RNF19A: variants seen among roughly 807,000 people sequenced by gnomAD.
RNF19A encodes E3 ubiquitin-protein ligase RNF19A.
Under a neutral mutation model 75.7 loss-of-function variants are expected in RNF19A, and 32 were observed. That is an observed-to-expected ratio of 0.42 (90% CI 0.32 to 0.57). The LOEUF (loss-of-function observed/expected upper bound fraction) is 0.57, where lower values mean the gene tolerates loss of function less well. RNF19A is among the 20% of genes least tolerant of loss of function. The probability of loss-of-function intolerance (pLI) is 0.10; values close to 1 mark genes in which losing one functional copy is unlikely to be tolerated. For missense variants in RNF19A, 782 were observed against 1,036.3 expected (o/e 0.75, Z 3.37); for synonymous variants, 335 against 345.2 (o/e 0.97, Z 0.33).
At position 100,265,930 on chromosome 8, in the gene RNF19A, A is replaced by G. The variant is rs139721340; in HGVS notation, c.1192-1145T>C. Among the ~76,000 whole-genome samples, 69 of 152,320 alleles carry G rather than the reference A, an allele frequency of 4.5e-4. No individual in the cohort carries two copies. In the East Asian group the frequency reaches 0.011, roughly 25 times the overall value. On this transcript the variant is annotated intron_variant, in intron 5 of 9. Transcript: ENST00000341084. ...AAGGTACCTTTCATTATCCTTCAGC[A>G]CTGCAGCTAATTCCTGCTCCTCCCC...
In RNF19A at chr8:100,275,499, C is replaced by T. The variant is rs1026182411; in HGVS notation, c.675-338G>A. ...AGGTTTGGGCTTCTAATGATTCTGTCGCCCAAACAGTGAACACAGTACCTG... is the reference window on the plus strand; with the variant it reads ...AGGTTTGGGCTTCTAATGATTCTGTTGCCCAAACAGTGAACACAGTACCTG... On this transcript the variant is annotated intron_variant, in intron 2 of 9. Transcript: ENST00000341084. The surrounding 1 kb of genome is among the most constrained non-coding windows in gnomAD (Gnocchi z 4.3). 6.0e-5 allele frequency among the ~76,000 whole-genome samples: 9 copies of T among 150,840 alleles called. No individual in the cohort carries two copies. The highest frequency in any genetic ancestry group is 2.2e-4 in the African/African-American group (9 of 41,054).
rs200555098 is a variant in RNF19A at position 100,288,151 on chromosome 8, A to C, written c.24T>G (p.Phe8Leu). 6.2e-7 allele frequency: 1 copy of C among 1,607,426 alleles called. No individual in the cohort carries two copies. The highest frequency in any genetic ancestry group is 1.3e-5 in the African/African-American group (1 of 74,832). ...ACAGCCCTTCATTATATTTAGAGAT[A>C]AAACCTATTTCTTGTTCTTGCATTC... MQEQEIG[F>L]ISKYNEGLCV... is the part of the protein sequence containing the mutation. The change falls in exon 2 of 10, where the codon TTT becomes TTG. Residue 8 changes from phenylalanine (F) to leucine (L), a missense_variant. Transcript: ENST00000341084.
intron 3 of RNF19A, among the ~76,000 whole-genome samples, chr8:100,271,726 AT>A (rs941675452): frequency 1.3e-5 from 2 of 152,180 alleles, no homozygotes; most frequent in African/African-American, 4.8e-5. Context: ...CTGTATACTT[AT>A]TTATCTATGA....
chr8:100,317,335 C>T lies in RNF19A; in HGVS notation c.-242-3963G>A, dbSNP rs545886327. Among the ~76,000 whole-genome samples, 9 of 152,334 alleles carry T rather than the reference C, an allele frequency of 5.9e-5. No homozygotes were observed. The highest frequency in any genetic ancestry group is 2.1e-4 in the South Asian group (1 of 4,832). ...GCGAGGGCTCTGAGGACTGCCAGCA[C>T]GCTGTCACCTCTCATAAGTGTTTCA... On this transcript the variant is annotated intron_variant, in intron 1 of 3. Coordinates refer to the RNF19A transcript ENST00000519527. The surrounding 1 kb of genome is among the most constrained non-coding windows in gnomAD (Gnocchi z 4.3).
chr8:100,271,969 T>C (rs370337630), intron 3 of RNF19A, among the ~76,000 whole-genome samples: 11 of 152,176 alleles, frequency 7.2e-5, no homozygotes, highest in Non-Finnish European at 8.8e-5. Context: ...TAAGCTTTCA[T>C]CTTCTGTATC....
chr8:100,261,904 A>G lies in RNF19A; in HGVS notation c.1469-149T>C. 2 of 774,662 alleles carry G rather than the reference A, an allele frequency of 2.6e-6. No individual in the cohort carries two copies. The highest frequency in any genetic ancestry group is 3.6e-5 in the South Asian group (2 of 55,134). The allele number at this position is 774,662 out of a possible 1,614,324, so 48.0% of individuals were successfully genotyped here. On this transcript the variant is annotated intron_variant, in intron 7 of 9. Transcript: ENST00000341084. The surrounding 1 kb of genome is among the most constrained non-coding windows in gnomAD (Gnocchi z 4.4). ...TATTTTTTTCAGGCTAGTCCACTAG[A>G]AGCAGTGGGAATAGAGCCAACAATT...
upstream of RNF19A, chr8:100,312,389 A>C (rs1273085024): frequency 6.6e-6 from 1 of 152,184 alleles, no homozygotes; most frequent in Non-Finnish European, 1.5e-5. Context: ...GGATCACTTG[A>C]GTCCAGGAGT....
rs143470751 is a variant in RNF19A, at chr8:100,333,651, T to C, written c.-243+2457A>G. ...GGGCAACATAGCAAGAGCCCATCTC[T>C]AAAAATTTTTTTAAAACAATAGCTG... On this transcript the variant is annotated intron_variant, in intron 1 of 3. Transcript: ENST00000519527. The surrounding 1 kb of genome is among the most constrained non-coding windows in gnomAD (Gnocchi z 4.7). Among the ~76,000 whole-genome samples the C allele has an allele frequency of 1.1e-3, 173 of 152,348 alleles. 2 individuals are homozygous for C. Among genetic ancestry groups the C allele is most frequent in the Non-Finnish European group, 1.8e-3 (124 of 68,026 alleles).
chr8:100,303,378 C>G (rs1821926754), intron 1 of RNF19A: 1 of 152,228 alleles, frequency 6.6e-6, no homozygotes, highest in Non-Finnish European at 1.5e-5. Context: ...TACAAAGACA[C>G]TTGTCACTTG....
rs1822523843 is a variant in RNF19A, at chr8:100,325,616, A to G, written c.-243+10492T>C. ...CCCTGGGTCCTCAAGCCCAGCCTAT[A>G]TTTGCCATATCTTGGCCCCATCCCA... is the stretch of plus-strand genomic sequence containing the variant. On this transcript the variant is annotated intron_variant, in intron 1 of 3. Transcript: ENST00000519527. This position sits in a 1 kb window ranked among gnomAD's most constrained non-coding sequence, Gnocchi z 4.3. Among the ~76,000 whole-genome samples the G allele has an allele frequency of 6.6e-6, 1 of 152,106 alleles. No individual in the cohort carries two copies. Among genetic ancestry groups the G allele is most frequent in the East Asian group, 1.9e-4 (1 of 5,194 alleles).
intron 7 of RNF19A, among the ~76,000 whole-genome samples, chr8:100,262,649 T>C (rs889669649): frequency 6.6e-6 from 1 of 152,114 alleles, no homozygotes; most frequent in Non-Finnish European, 1.5e-5. Flanking sequence ...TGGGGAAGTT[T>C]TGAGCATAAG....
rs1039838717 is a variant in RNF19A, at chr8:100,330,440, T to C, written c.-243+5668A>G. 1.3e-5 allele frequency among the ~76,000 whole-genome samples: 2 copies of C among 152,242 alleles called. No homozygotes were observed. The highest frequency in any genetic ancestry group is 2.9e-5 in the Non-Finnish European group (2 of 68,038). On this transcript the variant is annotated intron_variant, in intron 1 of 3. Coordinates refer to the RNF19A transcript ENST00000519527. This position sits in a 1 kb window ranked among gnomAD's most constrained non-coding sequence, Gnocchi z 4.1. ...TCTTTGCCTGGCATAGTGACTATTT[T>C]AGGGATGGACATTTGACACAGTAGT...
intron 1 of RNF19A, among the ~76,000 whole-genome samples, chr8:100,290,397 C>T (rs1821235539): frequency 6.6e-6 from 1 of 152,174 alleles, no homozygotes; most frequent in Non-Finnish European, 1.5e-5. Context: ...CCACAGTGCC[C>T]AGCCAAACTT....
At chr8:100,286,499 TACCTGGGAA>T (rs1821026343) in intron 2 of RNF19A, among the ~76,000 whole-genome samples, 1 of 152,248 alleles carries the variant, frequency 6.6e-6, no homozygotes, top group Non-Finnish European at 1.5e-5. Flanking sequence ...GTGTTAGTGA[TACCTGGGAA>T]AATTGGGATT....
rs761713357 is a variant in RNF19A at position 100,269,401 on chromosome 8, T to A, written c.1029-454A>T. 4.7e-4 allele frequency among the ~76,000 whole-genome samples: 72 copies of A among 151,842 alleles called. 1 individual carries two copies. Among genetic ancestry groups the A allele is most frequent in the South Asian group, 6.2e-4 (3 of 4,812 alleles). On this transcript the variant is annotated intron_variant, in intron 4 of 9. Transcript: ENST00000341084. The surrounding 1 kb of genome is among the most constrained non-coding windows in gnomAD (Gnocchi z 5.7). The stretch of plus-strand genomic sequence containing the variant: ...AGGTAAGAACCACTGTAAATTATAT[T>A]AACAAGATACTGATAACTGAGATTC...
At chr8:100,327,786 A>G (rs1822554803) in intron 1 of RNF19A, among the ~76,000 whole-genome samples, 1 of 152,244 alleles carries the variant, frequency 6.6e-6, no homozygotes, top group Admixed American at 6.5e-5. Flanking sequence ...AAGTTTGGAA[A>G]GGTGATGAGA....
chr8:100,315,420 A>C (rs1822358738), intron 1 of RNF19A, among the ~76,000 whole-genome samples: 1 of 152,038 alleles, frequency 6.6e-6, no homozygotes, highest in African/African-American at 2.4e-5. Context: ...ACCAGGAATG[A>C]ATGGGAGCTT....
intron 2 of RNF19A, among the ~76,000 whole-genome samples, chr8:100,277,903 C>A (rs546092689): frequency 1.3e-5 from 2 of 152,108 alleles, no homozygotes; most frequent in East Asian, 3.9e-4. Context: ...CTCTACCTAC[C>A]TTTTATTGAA....
At chr8:100,288,952 C>T (rs991607473) in intron 1 of RNF19A, among the ~76,000 whole-genome samples, 2 of 149,804 alleles carry the variant, frequency 1.3e-5, no homozygotes, top group East Asian at 2.0e-4. Context: ...CCCAGCTATT[C>T]GGGAGGCTGA....
Sources: allele counts gnomAD v4.1 joint callset (sites outside exome capture counted in the v4.1 genomes callset), GRCh38; gene constraint gnomAD v4.1.1; non-coding constraint Gnocchi (gnomAD v3.1); transcripts MANE v1.5; gene names NCBI Gene and HGNC (gene_info 2026-07-23, HGNC 2026-07-21).